The following PTPRT variants were observed in gnomAD, a reference collection of about 807,000 sequenced individuals.
The protein encoded by PTPRT is receptor-type tyrosine-protein phosphatase T.
PTPRT carries 56 observed loss-of-function variants against 176.8 expected under a neutral mutation model. That is an observed-to-expected ratio of 0.32 (90% CI 0.26 to 0.40). PTPRT has a LOEUF of 0.40. Ranked by LOEUF, PTPRT falls within the 10% of genes least tolerant of loss-of-function variation. The probability of loss-of-function intolerance (pLI) is 1.00; values close to 1 mark genes in which losing one functional copy is unlikely to be tolerated. For synonymous variants in PTPRT, 783 were observed against 739.0 expected (o/e 1.06, Z -0.96); for missense variants, 1,540 against 1,908.2 (o/e 0.81, Z 3.60).
intron 1 of PTPRT, among the ~76,000 whole-genome samples, chr20:43,103,753 A>G (rs2012487181): frequency 1.3e-5 from 2 of 149,594 alleles, no homozygotes; most frequent in Admixed American, 1.3e-4. Flanking sequence ...GAGATCAGTA[A>G]TAATAATAAT....
At chr20:42,281,773 G>A (rs1044821669) in intron 13 of PTPRT, among the ~76,000 whole-genome samples, 1 of 152,120 alleles carries the variant, frequency 6.6e-6, no homozygotes, top group Non-Finnish European at 1.5e-5. Flanking sequence ...GGGAGGGTTT[G>A]CTGTTAAAAA....
intron 1 of PTPRT, among the ~76,000 whole-genome samples, chr20:42,956,950 G>A (rs567226239): frequency 4.6e-5 from 7 of 152,190 alleles, no homozygotes; most frequent in Non-Finnish European, 7.4e-5. Context: ...CCACCCCAGC[G>A]CCCAAGTCAC....
intron 7 of PTPRT, among the ~76,000 whole-genome samples, chr20:42,571,753 AC>A (rs1276267470): frequency 6.6e-6 from 1 of 151,852 alleles, no homozygotes; most frequent in Non-Finnish European, 1.5e-5. Context: ...GAGGACCCCA[AC>A]CCCCACTGCC....
intron 2 of PTPRT, among the ~76,000 whole-genome samples, chr20:42,832,381 G>C (rs2145696068): frequency 6.6e-6 from 1 of 152,196 alleles, no homozygotes; most frequent in African/African-American, 2.4e-5. Context: ...GGAGAGGAGG[G>C]AGGGGATCAG....
chr20:42,911,199 T>C (rs572771101), intron 1 of PTPRT, among the ~76,000 whole-genome samples: 1 of 152,244 alleles, frequency 6.6e-6, no homozygotes, highest in Admixed American at 6.5e-5. Context: ...TCTAATATAT[T>C]TATCTTATAT....
chr20:42,781,483 G>T (rs993489978), intron 3 of PTPRT, among the ~76,000 whole-genome samples: 1 of 152,076 alleles, frequency 6.6e-6, no homozygotes, highest in Admixed American at 6.5e-5. Flanking sequence ...TCTTGACCCG[G>T]ACTCTTGCTA....
rs144930324 is a variant in PTPRT at position 42,769,287 on chromosome 20, G to A, written c.684+2148C>T. ...AGGATTTTTCTAACCACAGGAAATG[G>A]CTTAAATTCAAGAAAAGAAGTGACA... On this transcript the variant is annotated intron_variant, in intron 5 of 30. Coordinates refer to ENST00000373187, the MANE Select transcript of PTPRT (RefSeq NM_007050.6). Among the ~76,000 whole-genome samples, 44 of 152,290 alleles carry A rather than the reference G, an allele frequency of 2.9e-4. 1 individual carries two copies. In the East Asian group the frequency reaches 8.5e-3, roughly 29 times the overall value.
chr20:42,205,481 A>G (rs770470162), intron 15 of PTPRT, among the ~76,000 whole-genome samples: 4 of 152,180 alleles, frequency 2.6e-5, no homozygotes, highest in Admixed American at 6.5e-5. Flanking sequence ...GCTCCCTGCT[A>G]TTGGAGAAGT....
chr20:42,518,108 T>A (rs930428752), intron 7 of PTPRT, among the ~76,000 whole-genome samples: 14 of 152,170 alleles, frequency 9.2e-5, no homozygotes, highest in African/African-American at 2.9e-4. Flanking sequence ...GGCATGTTAA[T>A]ACTGTCATAC....
At chr20:42,958,398 T>G (rs1310228009) in intron 1 of PTPRT, among the ~76,000 whole-genome samples, 123 of 21,224 alleles carry the variant, frequency 5.8e-3, no homozygotes, top group South Asian at 0.011. Context: ...GGAAAGGGAA[T>G]GGTGGGAAAG....
In PTPRT at chr20:42,628,363, C is replaced by A. The variant is rs1187503049; in HGVS notation, c.1153+49503G>T. On this transcript the variant is annotated intron_variant, in intron 7 of 30. Coordinates refer to ENST00000373187, the MANE Select transcript of PTPRT (RefSeq NM_007050.6). ...ACCTGTATAGCGCTATTGCTCTATT[C>A]CACGTGACAAAACATGAGTCACCTG... 2.0e-5 allele frequency among the ~76,000 whole-genome samples: 3 copies of A among 152,126 alleles called. No individual in the cohort carries two copies. In the East Asian group the frequency reaches 5.8e-4, roughly 29 times the overall value.
intron 16 of PTPRT, among the ~76,000 whole-genome samples, chr20:42,185,707 T>A (rs6016711): frequency 6.6e-6 from 1 of 152,066 alleles, no homozygotes; most frequent in Non-Finnish European, 1.5e-5. Flanking sequence ...TTTCTCTGAG[T>A]ATATAGGATT....
rs951782352 is a variant in PTPRT, at chr20:42,642,733, G to A, written c.1153+35133C>T. ...TGGGAGAGCAGGATTGTTGAAATGAGTATTGCCTCAAGGATTAACCCCACT... is the reference window on the plus strand; with the variant it reads ...TGGGAGAGCAGGATTGTTGAAATGAATATTGCCTCAAGGATTAACCCCACT... On this transcript the variant is annotated intron_variant, in intron 7 of 30. Transcript: ENST00000373187. Among the ~76,000 whole-genome samples the A allele has an allele frequency of 4.6e-5, 7 of 152,120 alleles. No homozygotes were observed. In the East Asian group the frequency reaches 1.3e-3, roughly 29 times the overall value.
intron 12 of PTPRT, among the ~76,000 whole-genome samples, chr20:42,314,428 C>G (rs2057684038): frequency 6.6e-6 from 1 of 150,422 alleles, no homozygotes; most frequent in Non-Finnish European, 1.5e-5. Flanking sequence ...ACTCGGGAGG[C>G]TGAGGCAGGA....
In PTPRT at chr20:42,350,679, G is replaced by A. The variant is rs1217327426; in HGVS notation, c.1814C>T (p.Thr605Met). Residue 605 changes from threonine (T) to methionine (M), a missense_variant, in exon 11 of 31, where the codon ACG (threonine) becomes ATG (methionine). Physicochemically the swap from Thr to Met is moderately conservative, Grantham distance 81 (BLOSUM62 -1). This residue lies in a region of PTPRT where 4 missense variants were observed against 19.5 expected (regional missense o/e 0.21). Transcript: ENST00000373187. ...DTDTPLNETD[T>M]TITVMLKPAQ... ...GGGTTTCAGCATCACTGTGATGGTCGTGTCTGTCTCATTCAATGGGGTGTC... is the reference window on the plus strand; with the variant it reads ...GGGTTTCAGCATCACTGTGATGGTCATGTCTGTCTCATTCAATGGGGTGTC... The A allele has an allele frequency of 1.4e-5, 22 of 1,613,786 alleles. No homozygotes were observed. The highest frequency in any genetic ancestry group is 1.7e-5 in the Non-Finnish European group (20 of 1,179,798).
intron 8 of PTPRT, among the ~76,000 whole-genome samples, chr20:42,456,700 T>C (rs1199143630): frequency 3.3e-5 from 5 of 152,246 alleles, no homozygotes; most frequent in African/African-American, 1.2e-4. Context: ...TTTTAAACTA[T>C]TTTTTTGCAT....
chr20:42,640,873 C>T (rs2074731027), intron 7 of PTPRT, among the ~76,000 whole-genome samples: 1 of 152,062 alleles, frequency 6.6e-6, no homozygotes, highest in Non-Finnish European at 1.5e-5. Context: ...TGGATTGTTC[C>T]TCGGGCCCCA....
intron 1 of PTPRT, among the ~76,000 whole-genome samples, chr20:43,035,218 CTGAGG>C (rs1035548319): frequency 6.6e-6 from 1 of 152,076 alleles, no homozygotes; most frequent in African/African-American, 2.4e-5. Flanking sequence ...ATGAACACAC[CTGAGG>C]GTCTGCAAGA....
intron 9 of PTPRT, among the ~76,000 whole-genome samples, chr20:42,360,249 G>A (rs2058414962): frequency 6.6e-6 from 1 of 152,096 alleles, no homozygotes; most frequent in South Asian, 2.1e-4. Context: ...CTGTCAACAG[G>A]TGCTCCCTCC....
Sources: allele counts gnomAD v4.1 joint callset (sites outside exome capture counted in the v4.1 genomes callset), GRCh38; gene constraint gnomAD v4.1.1; regional missense constraint gnomAD v4.1.1; transcripts MANE v1.5; gene names NCBI Gene and HGNC (gene_info 2026-07-23, HGNC 2026-07-21).